The following SHROOM3 variants were observed in gnomAD, a reference collection of about 807,000 sequenced individuals.
The protein encoded by SHROOM3 is protein Shroom3.
SHROOM3 carries 47 observed loss-of-function variants against 138.6 expected under a neutral mutation model. That is an observed-to-expected ratio of 0.34 (90% confidence interval 0.27 to 0.43). The LOEUF (loss-of-function observed/expected upper bound fraction) is 0.43. Ranked by LOEUF, SHROOM3 falls within the 20% of genes least tolerant of loss-of-function variation. The probability of loss-of-function intolerance (pLI) is 1.00; values close to 1 mark genes in which losing one functional copy is unlikely to be tolerated. For missense variants in SHROOM3, 2,491 were observed against 2,596.5 expected (o/e 0.96, Z 0.88); for synonymous variants, 1,062 against 1,063.3 (o/e 1.00, Z 0.02).
chr4:76,518,228 G>C (rs984170197), intron 1 of SHROOM3, among the ~76,000 whole-genome samples: 1 of 151,942 alleles, frequency 6.6e-6, no homozygotes, highest in African/African-American at 2.4e-5. Context: ...CAGACATTTT[G>C]GGGAGGTTCA....
chr4:76,778,779 T>C (rs1722660110), intron 10 of SHROOM3, 30 bp from the exon 11 acceptor site: 1 of 1,611,848 alleles, frequency 6.2e-7, no homozygotes, highest in Non-Finnish European at 8.5e-7. Flanking sequence ...TTCCCTGGCC[T>C]TCATTGATCT....
intron 1 of SHROOM3, among the ~76,000 whole-genome samples, chr4:76,552,139 G>A (rs1307498601): frequency 6.6e-6 from 1 of 150,918 alleles, no homozygotes; most frequent in Non-Finnish European, 1.5e-5. Flanking sequence ...TGGGATTACA[G>A]GCATGAGCCA....
At chr4:76,485,686 T>C (rs924719943) in intron 1 of SHROOM3, among the ~76,000 whole-genome samples, 1 of 152,186 alleles carries the variant, frequency 6.6e-6, no homozygotes, top group Non-Finnish European at 1.5e-5. Context: ...AGAGGCTTTA[T>C]GTATCGCCTC....
chr4:76,622,316 C>T (rs1735024040), intron 2 of SHROOM3, among the ~76,000 whole-genome samples: 1 of 151,972 alleles, frequency 6.6e-6, no homozygotes, highest in Non-Finnish European at 1.5e-5. Context: ...AACCATAGCA[C>T]TTGTATTCAC....
At chr4:76,490,550 C>T (rs569130557) in intron 1 of SHROOM3, among the ~76,000 whole-genome samples, 5 of 152,170 alleles carry the variant, frequency 3.3e-5, no homozygotes, top group East Asian at 1.9e-4. Context: ...CCACCGCACC[C>T]GGCTGCTTCT....
chr4:76,739,961 A>G lies in SHROOM3; in HGVS notation c.1788A>G (p.Pro596=), dbSNP rs1721191108. The G allele has an allele frequency of 5.6e-6, 9 of 1,614,116 alleles. No homozygotes were observed. Among genetic ancestry groups the G allele is most frequent in the Non-Finnish European group, 7.6e-6 (9 of 1,180,028 alleles). Reference sequence around the variant, plus strand: ...GAAAGAGCACCCACAGTAACAAACCATCTTCTCATCCCCACAGCCTCAAAT... The same window carrying G: ...GAAAGAGCACCCACAGTAACAAACCGTCTTCTCATCCCCACAGCCTCAAAT... The part of the protein sequence containing the change: ...NERKSTHSNK[P]SSHPHSLKCP... The change falls in exon 5 of 11, where the codon CCA becomes CCG. Residue 596 remains proline (P), a synonymous_variant. Transcript: ENST00000296043.
intron 1 of SHROOM3, among the ~76,000 whole-genome samples, chr4:76,472,933 T>C (rs1027179641): frequency 1.3e-5 from 2 of 152,138 alleles, no homozygotes; most frequent in African/African-American, 4.8e-5. Context: ...GACCTTGTGA[T>C]CCGCCCACCG....
chr4:76,438,649 T>C (rs1030105411), intron 1 of SHROOM3, among the ~76,000 whole-genome samples: 11 of 152,218 alleles, frequency 7.2e-5, no homozygotes, highest in Admixed American at 7.2e-4. Flanking sequence ...GTCTCCCTTC[T>C]ACACTTCCAT....
At chr4:76,493,479 G>C (rs1731898479) in intron 1 of SHROOM3, among the ~76,000 whole-genome samples, 1 of 152,126 alleles carries the variant, frequency 6.6e-6, no homozygotes, top group Non-Finnish European at 1.5e-5. Flanking sequence ...AAGCAAAGAG[G>C]AGCTGCAGAG....
rs756060376 is a variant in SHROOM3, at chr4:76,740,266, A to C, written c.2093A>C (p.Asn698Thr). 2 of 1,613,106 alleles carry C rather than the reference A, an allele frequency of 1.2e-6. No homozygotes were observed. The highest frequency in any genetic ancestry group is 2.2e-5 in the East Asian group (1 of 44,880). The change falls in exon 5 of 11, where the codon AAC (asparagine) becomes ACC (threonine). Residue 698 changes from asparagine to threonine, a missense_variant. Asn to Thr is a moderately conservative substitution (Grantham distance 65, BLOSUM62 0). Transcript: ENST00000296043. This position sits in a 1 kb window ranked among gnomAD's most constrained non-coding sequence, Gnocchi z 4.0. ...GGGGGCAGGCCCACCTGTGCAGTCAACACCAAGGCAGAAGACCCTGGGAGG... is the reference window on the plus strand; with the variant it reads ...GGGGGCAGGCCCACCTGTGCAGTCACCACCAAGGCAGAAGACCCTGGGAGG... ...YPGGRPTCAV[N>T]TKAEDPGRKA...
intron 2 of SHROOM3, among the ~76,000 whole-genome samples, chr4:76,709,056 T>A (rs921039188): frequency 3.9e-5 from 6 of 152,214 alleles, no homozygotes; most frequent in African/African-American, 1.4e-4. Flanking sequence ...ATCTTCCCCA[T>A]GCTGTAGAAT....
At chr4:76,748,768 G>C (rs1721527532) in intron 5 of SHROOM3, among the ~76,000 whole-genome samples, 1 of 150,026 alleles carries the variant, frequency 6.7e-6, no homozygotes, top group South Asian at 2.1e-4. Flanking sequence ...ATCCTTGTTA[G>C]AGGAGGCACC....
chr4:76,715,510 A>G (rs1720347797), intron 3 of SHROOM3, among the ~76,000 whole-genome samples: 1 of 152,188 alleles, frequency 6.6e-6, no homozygotes, highest in African/African-American at 2.4e-5. Flanking sequence ...TCGGTAAAGG[A>G]GACAAAATGT....
intron 1 of SHROOM3, among the ~76,000 whole-genome samples, chr4:76,523,888 G>A (rs1270468683): frequency 2.6e-5 from 4 of 152,222 alleles, no homozygotes; most frequent in Non-Finnish European, 4.4e-5. Context: ...TGGTGGTGCC[G>A]AGGCTGGAGA....
At chr4:76,709,412 A>T (rs1372974660) in intron 2 of SHROOM3, among the ~76,000 whole-genome samples, 1 of 152,362 alleles carries the variant, frequency 6.6e-6, no homozygotes, top group East Asian at 1.9e-4. Context: ...CACAGTCAGG[A>T]TGCTTAGAAA....
chr4:76,520,483 C>G (rs1212795776), intron 1 of SHROOM3, among the ~76,000 whole-genome samples: 1 of 152,118 alleles, frequency 6.6e-6, no homozygotes, highest in African/African-American at 2.4e-5. Context: ...CCCCATTTTA[C>G]AGATAAGGAA....
chr4:76,469,129 G>C (rs999383384), intron 1 of SHROOM3, among the ~76,000 whole-genome samples: 4 of 151,936 alleles, frequency 2.6e-5, no homozygotes, highest in African/African-American at 9.7e-5. Flanking sequence ...TTGAACCTGG[G>C]AGGCGGAATT....
chr4:76,712,355 A>G (rs533569975), intron 3 of SHROOM3, among the ~76,000 whole-genome samples: 2 of 152,310 alleles, frequency 1.3e-5, no homozygotes, highest in South Asian at 4.1e-4. Context: ...CTGCAGGGCC[A>G]TTAGGACAGG....
In SHROOM3 at chr4:76,740,818, A is replaced by G. The variant is rs1322845216; in HGVS notation, c.2645A>G (p.Asp882Gly). ...SDSGRGPQRP[D>G]ARLLRSQSTF... is the part of the protein sequence containing the mutation. ...AGCGGCCGTGGCCCCCAGAGGCCGGACGCTCGGCTCCTCCGTAGCCAGAGC... is the reference window on the plus strand; with the variant it reads ...AGCGGCCGTGGCCCCCAGAGGCCGGGCGCTCGGCTCCTCCGTAGCCAGAGC... The change falls in exon 5 of 11, where the codon GAC becomes GGC. Residue 882 changes from aspartate to glycine, a missense_variant. Transcript: ENST00000296043. The surrounding 1 kb of genome is among the most constrained non-coding windows in gnomAD (Gnocchi z 4.0). 1.2e-6 allele frequency: 2 copies of G among 1,604,020 alleles called. No homozygotes were observed. The highest frequency in any genetic ancestry group is 1.7e-6 in the Non-Finnish European group (2 of 1,175,544).
Sources: gnomAD v4.1 joint callset for allele counts (sites outside exome capture counted in the v4.1 genomes callset) on GRCh38, gnomAD v4.1.1 for gene constraint, Gnocchi (gnomAD v3.1) non-coding constraint, MANE v1.5 for transcripts, NCBI Gene and HGNC (gene_info 2026-07-23, HGNC 2026-07-21) for gene names.